Variants in COL22A1 observed in about 807,000 individuals in gnomAD.
COL22A1 encodes collagen alpha-1(XXII) chain.
Under a neutral mutation model 248.9 loss-of-function variants are expected in COL22A1, and 221 were observed. The ratio of observed to expected loss-of-function variants is 0.89; its 90% CI spans 0.80 to 0.99. The LOEUF (loss-of-function observed/expected upper bound fraction) is 0.99. Among genes scored for constraint, COL22A1 ranks in the 50% least tolerant of loss-of-function variants. The pLI, the probability that COL22A1 is intolerant of heterozygous loss-of-function variation, is 0.00. For missense variants in COL22A1, 2,240 were observed against 2,179.0 expected (o/e 1.03, Z -0.56); for synonymous variants, 891 against 793.4 (o/e 1.12, Z -2.07).
At chr8:138,911,319 T>C (rs1026173911) in intron 1 of COL22A1, among the ~76,000 whole-genome samples, 2 of 152,256 alleles carry the variant, frequency 1.3e-5, no homozygotes, top group African/African-American at 4.8e-5. Context: ...CACTGTCTTC[T>C]CTGCACTAGA....
At chr8:138,815,800 C>A (rs1020769692) in intron 7 of COL22A1, among the ~76,000 whole-genome samples, 2 of 152,146 alleles carry the variant, frequency 1.3e-5, no homozygotes, top group Non-Finnish European at 2.9e-5. Context: ...TCAAATGGAG[C>A]TTGAGCTCAG....
intron 2 of COL22A1, among the ~76,000 whole-genome samples, chr8:138,881,394 G>A (rs1201239377): frequency 1.3e-5 from 2 of 151,904 alleles, no homozygotes; most frequent in Admixed American, 6.6e-5. Context: ...GCCTTAGAAT[G>A]TCACTTTCTG....
At chr8:138,603,669 A>G (rs1818210519) in intron 59 of COL22A1, among the ~76,000 whole-genome samples, 1 of 152,198 alleles carries the variant, frequency 6.6e-6, no homozygotes, top group South Asian at 2.1e-4. Context: ...CATTCCAGGA[A>G]GCAGAGTAAA....
chr8:138,678,641 T>C (rs1397358828), intron 40 of COL22A1, among the ~76,000 whole-genome samples: 1 of 152,034 alleles, frequency 6.6e-6, no homozygotes, highest in African/African-American at 2.4e-5. Flanking sequence ...TCATGACATG[T>C]GATTTATCTG....
chr8:138,786,775 G>C (rs113695580), intron 12 of COL22A1, among the ~76,000 whole-genome samples: 3,347 of 152,146 alleles, frequency 0.022, 128 homozygotes, highest in African/African-American at 0.077. Flanking sequence ...GTGGTGGCAG[G>C]CACCTGTAAT....
At chr8:138,830,592 T>C (rs908670666) in intron 5 of COL22A1, among the ~76,000 whole-genome samples, 1 of 152,238 alleles carries the variant, frequency 6.6e-6, no homozygotes, top group African/African-American at 2.4e-5. Context: ...GCCAAATCCG[T>C]GACCGGAATC....
chr8:138,853,392 T>C (rs1007864002), intron 3 of COL22A1, among the ~76,000 whole-genome samples: 2 of 152,182 alleles, frequency 1.3e-5, no homozygotes, highest in African/African-American at 2.4e-5. Context: ...CCTCTAATAA[T>C]GACTCATGAG....
intron 39 of COL22A1, among the ~76,000 whole-genome samples, chr8:138,682,124 G>A (rs1473802609): frequency 1.3e-5 from 2 of 152,270 alleles, no homozygotes; most frequent in African/African-American, 4.8e-5. Flanking sequence ...TACCAAAGGT[G>A]CAAGTATAGA....
chr8:138,762,106 G>A (rs548660358), intron 17 of COL22A1, among the ~76,000 whole-genome samples: 16 of 152,276 alleles, frequency 1.1e-4, no homozygotes, highest in South Asian at 4.2e-4. Flanking sequence ...GGGACAAGAC[G>A]GCAATGAGCG....
At chr8:138,767,628 T>C (rs1834011270) in intron 16 of COL22A1, among the ~76,000 whole-genome samples, 1 of 152,166 alleles carries the variant, frequency 6.6e-6, no homozygotes, top group Admixed American at 6.5e-5. Flanking sequence ...AGGCACTACC[T>C]CATTTGACAT....
chr8:138,706,550 C>A (rs1355026448), intron 30 of COL22A1, among the ~76,000 whole-genome samples: 2 of 152,114 alleles, frequency 1.3e-5, no homozygotes, highest in African/African-American at 2.4e-5. Context: ...GGCTACATAA[C>A]AAAATGAAGG....
intron 49 of COL22A1, among the ~76,000 whole-genome samples, chr8:138,632,108 C>T (rs1172550882): frequency 2.0e-5 from 3 of 152,148 alleles, no homozygotes; most frequent in Non-Finnish European, 4.4e-5. Flanking sequence ...GTTTCCTTCA[C>T]AGTGAAAGGC....
intron 30 of COL22A1, among the ~76,000 whole-genome samples, chr8:138,709,897 A>G (rs1828809020): frequency 2.0e-5 from 3 of 152,154 alleles, no homozygotes; most frequent in African/African-American, 4.8e-5. Flanking sequence ...AAATATCCTC[A>G]CACACATGCC....
chr8:138,637,288 T>C (rs1002560893), intron 47 of COL22A1, among the ~76,000 whole-genome samples: 2 of 151,826 alleles, frequency 1.3e-5, no homozygotes, highest in African/African-American at 2.4e-5. Context: ...GCAGAACAGG[T>C]GTGAGGGTGA....
At chr8:138,707,789 GAT>G (rs1369339418) in intron 30 of COL22A1, among the ~76,000 whole-genome samples, 1 of 152,056 alleles carries the variant, frequency 6.6e-6, no homozygotes, top group Non-Finnish European at 1.5e-5. Flanking sequence ...TGGCCAGTGC[GAT>G]CAGGCAGGAA....
chr8:138,765,236 C>T (rs1833820235), intron 16 of COL22A1, among the ~76,000 whole-genome samples: 1 of 152,126 alleles, frequency 6.6e-6, no homozygotes, highest in African/African-American at 2.4e-5. Context: ...CTTTCTACTG[C>T]CTTGGAGGGG....
intron 10 of COL22A1, among the ~76,000 whole-genome samples, chr8:138,805,745 G>GGT (rs1363029167): frequency 2.1e-5 from 3 of 142,296 alleles, no homozygotes; most frequent in Non-Finnish European, 3.1e-5. Flanking sequence ...TATATGTGAT[G>GGT]GTGTGTGTGT....
intron 11 of COL22A1, 143 bp from the exon 12 acceptor site, chr8:138,797,000 C>A: frequency 1.4e-6 from 1 of 696,034 alleles, no homozygotes; most frequent in East Asian, 2.5e-5. Flanking sequence ...GAAATGGTGA[C>A]TATTGTTAAC....
intron 5 of COL22A1, among the ~76,000 whole-genome samples, chr8:138,828,608 CTT>C (rs1351492187): frequency 6.6e-6 from 1 of 152,156 alleles, no homozygotes; most frequent in Admixed American, 6.5e-5. Context: ...CACCACAACT[CTT>C]TTCACATATT....
Sources: gnomAD v4.1 joint callset for allele counts (sites outside exome capture counted in the v4.1 genomes callset) on GRCh38, gnomAD v4.1.1 for gene constraint, MANE v1.5 for transcripts, NCBI Gene and HGNC (gene_info 2026-07-23, HGNC 2026-07-21) for gene names.